Variants in TRPM1 observed in about 807,000 individuals in gnomAD.
The protein encoded by TRPM1 is TRPM1-203 APA Isoform, Intron 10.
TRPM1 carries 113 observed loss-of-function variants against 149.4 expected under a neutral mutation model. The ratio of observed to expected loss-of-function variants is 0.76; its 90% CI spans 0.65 to 0.88. TRPM1 has a LOEUF of 0.88. TRPM1 is among the 40% of genes least tolerant of loss of function. TRPM1 has a pLI of 0.00. For synonymous variants in TRPM1, 741 were observed against 759.5 expected (o/e 0.98, Z 0.40); for missense variants, 1,976 against 2,038.7 (o/e 0.97, Z 0.59).
chr15:31,146,363 T>G (rs2036224671), intron 1 of TRPM1, among the ~76,000 whole-genome samples: 1 of 152,318 alleles, frequency 6.6e-6, no homozygotes, highest in South Asian at 2.1e-4. Context: ...GGGGAATTAT[T>G]AAATAAAAAT....
In TRPM1 at chr15:31,040,119, T is replaced by G; in HGVS notation, c.2315A>C (p.Lys772Thr). 6.2e-7 allele frequency: 1 copy of G among 1,614,174 alleles called. No individual in the cohort carries two copies. Among genetic ancestry groups the G allele is most frequent in the South Asian group, 1.1e-5 (1 of 91,084 alleles). The change falls in exon 18 of 28, where the codon AAG (lysine) becomes ACG (threonine). Residue 772 changes from lysine to threonine, a missense_variant and splice_region_variant. By Grantham distance (78) the Lys-to-Thr change is moderately conservative. Around this residue, in one of 3 missense-constraint regions of TRPM1, gnomAD observed 1,332 missense variants for 1,347.1 expected, o/e 0.99. Coordinates refer to ENST00000256552, the MANE Select transcript of TRPM1 (RefSeq NM_001252024.2). This position sits in a 1 kb window ranked among gnomAD's most constrained non-coding sequence, Gnocchi z 4.2. Reference sequence around the variant, plus strand: ...CGCCTCGCAGCACGTTGCACGCACCTTCAGGCCGGGGTTCTTCCGCATCCG... The same window carrying G: ...CGCCTCGCAGCACGTTGCACGCACCGTCAGGCCGGGGTTCTTCCGCATCCG... ...RLRMRKNPGL[K>T]VIMGILLPPT...
chr15:31,129,828 C>A (rs912921987), intron 1 of TRPM1, among the ~76,000 whole-genome samples: 1 of 152,136 alleles, frequency 6.6e-6, no homozygotes, highest in Non-Finnish European at 1.5e-5. Flanking sequence ...CACTGTGGAC[C>A]AATGGCCATG....
chr15:31,049,059 T>C (rs1406827180), intron 13 of TRPM1, among the ~76,000 whole-genome samples: 1 of 152,178 alleles, frequency 6.6e-6, no homozygotes, highest in Admixed American at 6.5e-5. Flanking sequence ...TCACCCTTGG[T>C]GACATTTCAC....
intron 1 of TRPM1, among the ~76,000 whole-genome samples, chr15:31,092,673 C>T (rs1018163089): frequency 6.6e-6 from 1 of 152,216 alleles, no homozygotes; most frequent in African/African-American, 2.4e-5. Context: ...TATACTTGTG[C>T]ATGTATGTAT....
chr15:31,096,041 T>G (rs547267983), intron 1 of TRPM1, among the ~76,000 whole-genome samples: 34 of 135,810 alleles, frequency 2.5e-4, no homozygotes, highest in African/African-American at 9.1e-4. Flanking sequence ...AGCAAAACTC[T>G]GTCTCAAAAA....
chr15:31,013,279 G>C (rs1195128680), intron 27 of TRPM1, among the ~76,000 whole-genome samples: 1 of 151,814 alleles, frequency 6.6e-6, no homozygotes, highest in Non-Finnish European at 1.5e-5. Context: ...CCAAAGCTCT[G>C]GGATTACAGG....
chr15:31,144,711 G>GTTTTTTTTTTTTTTTTTTTTTTTTTTT (rs1567078292), intron 1 of TRPM1, among the ~76,000 whole-genome samples: 1 of 142,932 alleles, frequency 7.0e-6, no homozygotes. Flanking sequence ...TTGTTTTTGA[G>GTTTTTTTTTTTTTTTTTTTTTTTTTTT]ATTTTTTTTT....
chr15:31,123,559 T>C (rs1398282469), intron 1 of TRPM1, among the ~76,000 whole-genome samples: 2 of 152,174 alleles, frequency 1.3e-5, no homozygotes, highest in African/African-American at 4.8e-5. Flanking sequence ...AGATGGTAAA[T>C]AAGCATATCA....
Position 31,001,419 on chromosome 15 carries a change from T to C in TRPM1, c.*403A>G. 5.4e-6 allele frequency: 1 copy of C among 186,530 alleles called. No homozygotes were observed. The highest frequency in any genetic ancestry group is 1.1e-5 in the Non-Finnish European group (1 of 89,486). The allele number at this position is 186,530 out of a possible 1,614,324, so 11.6% of individuals were successfully genotyped here. A position where few individuals can be genotyped will look rare whatever the true frequency, so the allele number is the denominator to read the frequency against. ...CTGGACTCAAGCTATCTTTCTGCCT[T>C]GGCCTCCCAAAGTGCTAGGATTACA... On this transcript the variant is annotated 3_prime_UTR_variant, in exon 28 of 28. Transcript: ENST00000256552.
intron 1 of TRPM1, among the ~76,000 whole-genome samples, chr15:31,116,761 C>CAG (rs1227675315): frequency 1.3e-5 from 2 of 151,036 alleles, no homozygotes; most frequent in Admixed American, 6.6e-5. Context: ...CCAAAGATAA[C>CAG]AGAGAGAGAG....
At chr15:31,090,769 T>A (rs186172340) in intron 1 of TRPM1, among the ~76,000 whole-genome samples, 90 of 152,110 alleles carry the variant, frequency 5.9e-4, no homozygotes, top group East Asian at 4.1e-3. Flanking sequence ...GCTCTTTTTT[T>A]AAAAAAAATA....
intron 27 of TRPM1, among the ~76,000 whole-genome samples, chr15:31,011,541 C>A (rs1335698275): frequency 6.6e-6 from 1 of 152,138 alleles, no homozygotes; most frequent in African/African-American, 2.4e-5. Context: ...CAGGCATGCA[C>A]TACCACACCT....
chr15:31,074,474 G>T (rs1446615155), intron 3 of TRPM1, among the ~76,000 whole-genome samples: 1 of 151,944 alleles, frequency 6.6e-6, no homozygotes, highest in African/African-American at 2.4e-5. Flanking sequence ...TATCTAATTT[G>T]TTTGCATATA....
At position 31,075,167 on chromosome 15, in the gene TRPM1, C is replaced by T. The variant is rs538762091; in HGVS notation, c.83+1738G>A. Among the ~76,000 whole-genome samples the T allele has an allele frequency of 5.3e-5, 8 of 152,252 alleles. No individual in the cohort carries two copies. The East Asian group carries it at 1.5e-3, about 29-fold the overall frequency. On this transcript the variant is annotated intron_variant, in intron 3 of 27. Coordinates refer to ENST00000256552, the MANE Select transcript of TRPM1 (RefSeq NM_001252024.2). ...TTCTATTGTTACTGGGTGGTGTGCTCTATAGTTATCTGTTAAGCCTAATTG... is the reference window on the plus strand; with the variant it reads ...TTCTATTGTTACTGGGTGGTGTGCTTTATAGTTATCTGTTAAGCCTAATTG...
chr15:31,022,393 G>A (rs1224308585), intron 27 of TRPM1, among the ~76,000 whole-genome samples: 4 of 152,254 alleles, frequency 2.6e-5, no homozygotes, highest in Admixed American at 2.6e-4. Context: ...CATTTTGGAA[G>A]GCTGAGGCAG....
chr15:31,061,548 T>A, intron 9 of TRPM1, 34 bp from the exon 10 acceptor site: 1 of 1,599,656 alleles, frequency 6.3e-7, no homozygotes, highest in South Asian at 1.1e-5. Context: ...TAAAGCCAAG[T>A]TGAAAACAAG....
chr15:31,078,908 T>C (rs1432436560), intron 2 of TRPM1, among the ~76,000 whole-genome samples: 1 of 152,362 alleles, frequency 6.6e-6, no homozygotes, highest in East Asian at 1.9e-4. Flanking sequence ...TTACTTTTTC[T>C]GGAACATAGG....
chr15:31,031,194 C>G (rs1381224252), intron 22 of TRPM1, 37 bp from the exon 23 acceptor site: 1 of 1,613,480 alleles, frequency 6.2e-7, no homozygotes, highest in South Asian at 1.1e-5. Context: ...ACTGTCTTGG[C>G]TTGTGGGCCA....
Position 31,035,671 on chromosome 15 carries a change from A to G in TRPM1, c.2575T>C (p.Ser859Pro), listed in dbSNP as rs1013691673. ...PIVKFWFYTI[S>P]YLGYLLLFNY... ...AACAGCAGCAGGTAGCCCAAGTATG[A>G]TATCTGAAAGAAAGACAAGCTGTTA... The change falls in exon 21 of 28, where the codon TCA becomes CCA. Residue 859 changes from serine (S) to proline (P), a missense_variant. Physicochemically the swap from Ser to Pro is moderately conservative, Grantham distance 74. Around this residue, in one of 3 missense-constraint regions of TRPM1, gnomAD observed 1,332 missense variants for 1,347.1 expected, o/e 0.99. Transcript: ENST00000256552. The G allele has an allele frequency of 1.9e-6, 3 of 1,614,200 alleles. No homozygotes were observed. Among genetic ancestry groups the G allele is most frequent in the Non-Finnish European group, 2.5e-6 (3 of 1,180,036 alleles).
Sources: gnomAD v4.1 joint callset for allele counts (sites outside exome capture counted in the v4.1 genomes callset) on GRCh38, gnomAD v4.1.1 for gene constraint, gnomAD v4.1.1 regional missense constraint, Gnocchi (gnomAD v3.1) non-coding constraint, MANE v1.5 for transcripts, NCBI Gene and HGNC (gene_info 2026-07-23, HGNC 2026-07-21) for gene names.